Variants in MAGI2 observed in about 807,000 individuals in gnomAD.
MAGI2 encodes membrane associated guanylate kinase, WW and PDZ domain containing 2, also known as membrane-associated guanylate kinase, WW and PDZ domain-containing protein 2.
In MAGI2, 35 loss-of-function variants were observed where a neutral mutation model predicts 133.3. The observed-to-expected ratio is 0.26, with a 90% CI of 0.20 to 0.35. The LOEUF (loss-of-function observed/expected upper bound fraction) is 0.35. MAGI2 is among the 10% of genes least tolerant of loss of function. MAGI2 has a pLI of 1.00. For missense variants in MAGI2, 1,636 were observed against 1,863.4 expected, an observed-to-expected ratio of 0.88 and a Z score of 2.25; for synonymous variants, 729 against 710.6, an observed-to-expected ratio of 1.03 and a Z score of -0.41.
intron 3 of MAGI2, chr7:78,583,434 G>T (rs961073580): frequency 2.1e-5 from 4 of 189,214 alleles, no homozygotes; most frequent in Non-Finnish European, 3.5e-5. Context: ...GGAGGCAGAG[G>T]TTGCGGTGAG....
In MAGI2 at chr7:78,160,379, G is replaced by C. The variant is rs970386402; in HGVS notation, c.2597-106C>G. Reference sequence around the variant, plus strand: ...TAGACAGTGGTATTGTTACAAGACTGGTTGAACTGCTTCTCTTTCTCCCAG... The same window carrying C: ...TAGACAGTGGTATTGTTACAAGACTCGTTGAACTGCTTCTCTTTCTCCCAG... On this transcript the variant is annotated intron_variant, in intron 15 of 21. Transcript: ENST00000354212. 1.5e-5 allele frequency: 18 copies of C among 1,177,666 alleles called. 1 individual carries two copies. The Middle Eastern group carries it at 8.9e-4, about 58-fold the overall frequency. 73.0% of individuals were successfully genotyped at this position (1,177,666 alleles called of 1,614,324 possible).
At position 78,408,162 on chromosome 7, in the gene MAGI2, A is replaced by G. The variant is rs576594742; in HGVS notation, c.1046-38949T>C. Among the ~76,000 whole-genome samples the G allele has an allele frequency of 9.4e-4, 143 of 152,128 alleles. 1 individual carries two copies. The highest frequency in any genetic ancestry group is 3.1e-3 in the African/African-American group (128 of 41,526). On this transcript the variant is annotated intron_variant, in intron 6 of 21. Transcript: ENST00000354212. ...ATATTATATTTATTAAAAATATAAA[A>G]ACAGTATATATTTATCATGTACAAA...
intron 2 of MAGI2, among the ~76,000 whole-genome samples, chr7:78,670,376 A>C (rs534224979): frequency 2.8e-4 from 42 of 152,206 alleles, no homozygotes; most frequent in Non-Finnish European, 5.4e-4. Context: ...GATGTGAAGG[A>C]CCTCTTCAAG....
chr7:78,725,221 T>G (rs943326831), intron 2 of MAGI2, among the ~76,000 whole-genome samples: 1 of 152,204 alleles, frequency 6.6e-6, no homozygotes, highest in Non-Finnish European at 1.5e-5. Context: ...AGGGCCCAAG[T>G]TACTAAGTTA....
intron 1 of MAGI2, among the ~76,000 whole-genome samples, chr7:79,028,247 A>G (rs933738732): frequency 2.3e-4 from 11 of 46,890 alleles, no homozygotes; most frequent in African/African-American, 8.4e-4. Context: ...ATATATATAT[A>G]TATATATATA....
At chr7:78,708,960 C>T (rs1471077592) in intron 2 of MAGI2, among the ~76,000 whole-genome samples, 1 of 151,994 alleles carries the variant, frequency 6.6e-6, no homozygotes, top group African/African-American at 2.4e-5. Context: ...AATAAATACC[C>T]TTCCAATCTG....
chr7:79,171,346 C>T (rs1201056803), intron 1 of MAGI2, among the ~76,000 whole-genome samples: 1 of 151,990 alleles, frequency 6.6e-6, no homozygotes, highest in African/African-American at 2.4e-5. Flanking sequence ...TTTATAAGAA[C>T]ATCAGTCATA....
intron 10 of MAGI2, among the ~76,000 whole-genome samples, chr7:78,205,909 A>T (rs1037157107): frequency 6.6e-6 from 1 of 152,162 alleles, no homozygotes; most frequent in South Asian, 2.1e-4. Flanking sequence ...CTGCCTTCTC[A>T]TTGGGATCCT....
intron 3 of MAGI2, among the ~76,000 whole-genome samples, chr7:78,612,458 TTTAAA>T (rs1806553153): frequency 6.6e-6 from 1 of 151,980 alleles, no homozygotes; most frequent in African/African-American, 2.4e-5. Context: ...AAAGTAAAAT[TTTAAA>T]TTAAAAAATA....
chr7:78,383,438 T>A (rs999390959), intron 6 of MAGI2, among the ~76,000 whole-genome samples: 3 of 152,144 alleles, frequency 2.0e-5, no homozygotes, highest in Non-Finnish European at 4.4e-5. Flanking sequence ...TCATATCATT[T>A]GCCCACTTTT....
chr7:78,265,483 G>T (rs1036492351), intron 9 of MAGI2, among the ~76,000 whole-genome samples: 1 of 152,138 alleles, frequency 6.6e-6, no homozygotes, highest in Non-Finnish European at 1.5e-5. Flanking sequence ...TAAACAAAAA[G>T]TAGCAAACAT....
At chr7:78,444,350 G>C (rs7803197) in intron 6 of MAGI2, among the ~76,000 whole-genome samples, 130,982 of 152,022 alleles carry the variant, frequency 0.86, 56,659 homozygotes, top group Middle Eastern at 0.94. Flanking sequence ...AATCTTAGAT[G>C]CATTTTGGTC....
intron 1 of MAGI2, among the ~76,000 whole-genome samples, chr7:79,185,798 C>G (rs573949444): frequency 6.6e-6 from 1 of 151,714 alleles, no homozygotes; most frequent in Admixed American, 6.6e-5. Context: ...GAAAGAAAAT[C>G]CTGCTGATGG....
intron 1 of MAGI2, among the ~76,000 whole-genome samples, chr7:79,133,564 A>T (rs1396589742): frequency 6.6e-6 from 1 of 152,200 alleles, no homozygotes; most frequent in Non-Finnish European, 1.5e-5. Context: ...GCCTAGAAAC[A>T]TGTATTTATA....
intron 2 of MAGI2, among the ~76,000 whole-genome samples, chr7:78,890,038 A>G (rs975287302): frequency 6.6e-6 from 1 of 152,346 alleles, no homozygotes; most frequent in Middle Eastern, 3.4e-3. Flanking sequence ...AGGAAGATCT[A>G]CCAAGCAAAT....
intron 12 of MAGI2, among the ~76,000 whole-genome samples, chr7:78,185,937 T>C (rs1376778084): frequency 6.6e-6 from 1 of 152,156 alleles, no homozygotes; most frequent in Non-Finnish European, 1.5e-5. Flanking sequence ...AAGATTACCA[T>C]TTCTAAATAT....
intron 1 of MAGI2, 78 bp downstream of exon 1, chr7:79,452,942 C>T (rs1849390716): frequency 1.4e-6 from 2 of 1,446,570 alleles, no homozygotes; most frequent in East Asian, 2.3e-5. Flanking sequence ...CTTCAACATG[C>T]GCGGCCACCC....
intron 2 of MAGI2, among the ~76,000 whole-genome samples, chr7:78,707,406 T>C (rs541745165): frequency 6.6e-6 from 1 of 152,246 alleles, no homozygotes; most frequent in East Asian, 1.9e-4. Context: ...TGCCTAAATA[T>C]GATTTTTAGT....
chr7:78,474,147 G>T (rs1791510491), intron 6 of MAGI2, among the ~76,000 whole-genome samples: 1 of 150,350 alleles, frequency 6.7e-6, no homozygotes, highest in Non-Finnish European at 1.5e-5. Context: ...ATGACTATAA[G>T]ATTAAACCAA....
Sources: gnomAD v4.1 joint callset for allele counts (sites outside exome capture counted in the v4.1 genomes callset) on GRCh38, gnomAD v4.1.1 for gene constraint, MANE v1.5 for transcripts, NCBI Gene and HGNC (gene_info 2026-07-23, HGNC 2026-07-21) for gene names.